Variants in CLOCK observed in about 807,000 individuals in gnomAD.
The protein encoded by CLOCK is circadian locomoter output cycles protein kaput.
In CLOCK, 43 loss-of-function variants were observed where a neutral mutation model predicts 118.4. The observed-to-expected ratio is 0.36, with a 90% CI of 0.28 to 0.47. The LOEUF is 0.47. Among genes scored for constraint, CLOCK ranks in the 20% least tolerant of loss-of-function variants. CLOCK has a pLI of 1.00. For missense variants in CLOCK, 846 were observed against 999.9 expected (o/e 0.85, Z 2.08); for synonymous variants, 326 against 339.2 (o/e 0.96, Z 0.43).
At position 55,431,763 on chromosome 4, in the gene CLOCK, A is replaced by G. The variant is rs1300228939; in HGVS notation, c.*3652T>C. ...AATGCTATTTGCATTCCACTTTTAA[A>G]AAGTTTGCCTCAATGTAGTGGAAAC... On this transcript the variant is annotated 3_prime_UTR_variant, in exon 23 of 23. Transcript: ENST00000513440. The G allele has an allele frequency of 6.6e-6, 1 of 152,256 alleles. No individual in the cohort carries two copies. Among genetic ancestry groups the G allele is most frequent in the Non-Finnish European group, 1.5e-5 (1 of 68,040 alleles). 9.4% of individuals were successfully genotyped at this position (152,256 alleles called of 1,614,324 possible).
intron 2 of CLOCK, among the ~76,000 whole-genome samples, chr4:55,491,465 G>A (rs539881165): frequency 6.6e-6 from 1 of 151,096 alleles, no homozygotes; most frequent in African/African-American, 2.4e-5. Context: ...AATAAGAGAA[G>A]ACTCAAAATC....
chr4:55,443,550 ACTCT>A (rs1723544419), intron 20 of CLOCK, 133 bp downstream of exon 20: 1 of 688,244 alleles, frequency 1.5e-6, no homozygotes, highest in African/African-American at 1.8e-5. Flanking sequence ...TTTAATAATC[ACTCT>A]CAATACTATA....
chr4:55,483,952 CA>C (rs1727114843), intron 3 of CLOCK, among the ~76,000 whole-genome samples: 2 of 152,226 alleles, frequency 1.3e-5, no homozygotes, highest in South Asian at 2.1e-4. Flanking sequence ...CAAAATACTC[CA>C]AAATCTGAAA....
chr4:55,507,739 T>C (rs1483068841), intron 2 of CLOCK, among the ~76,000 whole-genome samples: 1 of 152,208 alleles, frequency 6.6e-6, no homozygotes, highest in Non-Finnish European at 1.5e-5. Flanking sequence ...TGGGGAATGA[T>C]TTTGATCATG....
At chr4:55,475,790 A>G (rs906245467) in intron 7 of CLOCK, among the ~76,000 whole-genome samples, 173 bp downstream of exon 7, 3 of 152,226 alleles carry the variant, frequency 2.0e-5, no homozygotes, top group African/African-American at 7.2e-5. Context: ...CACACCTAAT[A>G]GACTACAGGG....
intron 18 of CLOCK, among the ~76,000 whole-genome samples, chr4:55,445,284 A>G (rs1723717360): frequency 6.6e-6 from 1 of 152,098 alleles, no homozygotes; most frequent in African/African-American, 2.4e-5. Flanking sequence ...CTGCCCCGGC[A>G]GGTGGCTTTC....
intron 1 of CLOCK, among the ~76,000 whole-genome samples, chr4:55,537,888 T>A (rs1253921342): frequency 6.6e-6 from 1 of 152,128 alleles, no homozygotes; most frequent in Non-Finnish European, 1.5e-5. Flanking sequence ...TCAGCTTCTA[T>A]CTTAAGAAAC....
chr4:55,514,951 T>C (rs575582886), intron 1 of CLOCK, among the ~76,000 whole-genome samples: 1 of 152,292 alleles, frequency 6.6e-6, no homozygotes, highest in South Asian at 2.1e-4. Context: ...AATGTTAACA[T>C]TGGTGTAATT....
chr4:55,500,197 A>C (rs116799784), intron 2 of CLOCK, among the ~76,000 whole-genome samples: 4,118 of 152,242 alleles, frequency 0.027, 193 homozygotes, highest in African/African-American at 0.094. Flanking sequence ...AAAAAGAAAA[A>C]AAAAATGGTA....
intron 1 of CLOCK, among the ~76,000 whole-genome samples, chr4:55,514,766 G>A (rs912263360): frequency 1.9e-4 from 29 of 152,076 alleles, no homozygotes; most frequent in Admixed American, 5.9e-4. Context: ...TTTTATAAAT[G>A]TTGAATTTGA....
intron 9 of CLOCK, among the ~76,000 whole-genome samples, chr4:55,459,476 A>G (rs1225913828): frequency 6.6e-6 from 1 of 152,222 alleles, no homozygotes; most frequent in Non-Finnish European, 1.5e-5. Context: ...TGGTGCAAAC[A>G]ACTTAATGTT....
chr4:55,530,743 C>G (rs1327523340), intron 1 of CLOCK, among the ~76,000 whole-genome samples: 15 of 82,790 alleles, frequency 1.8e-4, no homozygotes, highest in Non-Finnish European at 3.2e-4. Context: ...CCCCTGCACT[C>G]CAGCCTGGGA....
In CLOCK at chr4:55,530,717, G is replaced by A. The variant is rs1243634014; in HGVS notation, c.-290+16065C>T. On this transcript the variant is annotated intron_variant, in intron 1 of 22. Transcript: ENST00000513440. Reference sequence around the variant, plus strand: ...CTGAACCCAGGAGGTGGAGGTTGCAGTGAGCCGAGATTGTGCCCCTGCACT... The same window carrying A: ...CTGAACCCAGGAGGTGGAGGTTGCAATGAGCCGAGATTGTGCCCCTGCACT... Among the ~76,000 whole-genome samples, 13 of 140,058 alleles carry A rather than the reference G, an allele frequency of 9.3e-5. No individual in the cohort carries two copies. In the Admixed American group the frequency reaches 9.9e-4, roughly 11 times the overall value. 91.9% of individuals were successfully genotyped at this position (140,058 alleles called of 152,430 possible).
intron 1 of CLOCK, among the ~76,000 whole-genome samples, chr4:55,527,550 G>A (rs192129311): frequency 1.3e-5 from 2 of 151,952 alleles, no homozygotes; most frequent in African/African-American, 4.8e-5. Context: ...ATATAGGCAT[G>A]ACTGAAAATG....
intron 7 of CLOCK, among the ~76,000 whole-genome samples, chr4:55,472,453 A>T (rs939709998): frequency 1.3e-5 from 2 of 152,228 alleles, no homozygotes; most frequent in African/African-American, 2.4e-5. Context: ...AGTGGAGAAG[A>T]AGTAGAAGAT....
At chr4:55,460,846 A>G (rs977823902) in intron 9 of CLOCK, among the ~76,000 whole-genome samples, 1 of 151,960 alleles carries the variant, frequency 6.6e-6, no homozygotes, top group African/African-American at 2.4e-5. Context: ...CCCACTGATG[A>G]TTCTTAGTCA....
intron 15 of CLOCK, among the ~76,000 whole-genome samples, chr4:55,450,597 G>A (rs984076554): frequency 3.3e-5 from 5 of 152,058 alleles, no homozygotes; most frequent in South Asian, 2.1e-4. Context: ...GTGAAACCCC[G>A]TCTCTACCAA....
intron 2 of CLOCK, among the ~76,000 whole-genome samples, chr4:55,491,291 C>CAAAGAACTAGAAAA: frequency 9.0e-6 from 1 of 111,000 alleles, no homozygotes; most frequent in Non-Finnish European, 1.9e-5. Context: ...CTTTATACCT[C>CAAAGAACTAGAAAA]AAAGAACTAG....
intron 22 of CLOCK, among the ~76,000 whole-genome samples, chr4:55,437,713 C>T (rs963840936): frequency 1.1e-4 from 17 of 152,140 alleles, no homozygotes; most frequent in Admixed American, 3.3e-4. Context: ...CCAAAGGTCA[C>T]GCAGTACGTG....
Sources: gnomAD v4.1 joint callset for allele counts (sites outside exome capture counted in the v4.1 genomes callset) on GRCh38, gnomAD v4.1.1 for gene constraint, MANE v1.5 for transcripts, NCBI Gene and HGNC (gene_info 2026-07-23, HGNC 2026-07-21) for gene names.